CDH13: variants seen among roughly 807,000 people sequenced by gnomAD.
CDH13 encodes the protein cadherin 13.
CDH13 carries 24 observed loss-of-function variants against 63.8 expected under a neutral mutation model. The observed-to-expected ratio is 0.38, with a 90% CI of 0.27 to 0.53. The LOEUF (loss-of-function observed/expected upper bound fraction) is 0.53. Among genes scored for constraint, CDH13 ranks in the 20% least tolerant of loss-of-function variants. The pLI is 0.85. For missense variants in CDH13, 1,049 were observed against 903.1 expected (o/e 1.16, Z -2.07); for synonymous variants, 503 against 355.3 (o/e 1.42, Z -4.67).
intron 1 of CDH13, among the ~76,000 whole-genome samples, chr16:82,641,236 T>A (rs1017274696): frequency 6.6e-5 from 10 of 152,178 alleles, no homozygotes; most frequent in African/African-American, 2.4e-4. Context: ...CTGCCGTCAT[T>A]AACTTCTCTG....
At chr16:82,653,685 T>C (rs1045775100) in intron 1 of CDH13, among the ~76,000 whole-genome samples, 13 of 152,146 alleles carry the variant, frequency 8.5e-5, no homozygotes, top group African/African-American at 3.1e-4. Flanking sequence ...ACGATGTGCA[T>C]GTCATGTTGA....
intron 2 of CDH13, among the ~76,000 whole-genome samples, chr16:82,962,584 G>C (rs1393645824): frequency 6.6e-6 from 1 of 152,318 alleles, no homozygotes; most frequent in Admixed American, 6.5e-5. Context: ...AAGACAGACG[G>C]GAGTGGGAGT....
chr16:82,782,343 C>T lies in CDH13; in HGVS notation c.46-76019C>T, dbSNP rs547412327. Among the ~76,000 whole-genome samples, 11 of 152,196 alleles carry T rather than the reference C, an allele frequency of 7.2e-5. No homozygotes were observed. The East Asian group carries it at 1.5e-3, about 21-fold the overall frequency. On this transcript the variant is annotated intron_variant, in intron 1 of 13. Coordinates refer to ENST00000567109, the MANE Select transcript of CDH13 (RefSeq NM_001257.5). ...TTGGGAGGCTGAGGTGGGTGGATCA[C>T]GAGGTCAGGAGTTGGAGACCAGCCT...
intron 6 of CDH13, among the ~76,000 whole-genome samples, chr16:83,433,454 C>A (rs1450983903): frequency 6.6e-6 from 1 of 152,198 alleles, no homozygotes; most frequent in African/African-American, 2.4e-5. Flanking sequence ...AAATGCATGA[C>A]CAGCGGATAA....
intron 8 of CDH13, among the ~76,000 whole-genome samples, chr16:83,652,466 C>T (rs1205161384): frequency 6.6e-6 from 1 of 152,020 alleles, no homozygotes; most frequent in Non-Finnish European, 1.5e-5. Flanking sequence ...CTGCAGGGGT[C>T]TGTGTAGTTT....
intron 4 of CDH13, among the ~76,000 whole-genome samples, chr16:83,138,822 G>A (rs774829241): frequency 2.0e-5 from 3 of 152,088 alleles, no homozygotes; most frequent in South Asian, 2.1e-4. Context: ...GGAGGGTGAC[G>A]AAGGGCTCCC....
At chr16:83,771,625 C>G (rs1001492382) in intron 11 of CDH13, among the ~76,000 whole-genome samples, 2 of 152,196 alleles carry the variant, frequency 1.3e-5, no homozygotes, top group African/African-American at 2.4e-5. Flanking sequence ...TAACCCTTTC[C>G]CCCTCAAGAC....
intron 3 of CDH13, among the ~76,000 whole-genome samples, chr16:83,048,176 C>T (rs991508506): frequency 2.6e-5 from 4 of 152,192 alleles, no homozygotes; most frequent in African/African-American, 9.6e-5. Context: ...GTGATGGAGA[C>T]CAAGATATGA....
intron 2 of CDH13, among the ~76,000 whole-genome samples, chr16:82,903,579 T>A (rs951689619): frequency 3.9e-5 from 6 of 152,226 alleles, no homozygotes; most frequent in African/African-American, 1.4e-4. Flanking sequence ...ATCCTTTTTG[T>A]TTTATTCTGG....
chr16:83,619,744 G>C (rs1044446351), intron 8 of CDH13, among the ~76,000 whole-genome samples: 2 of 152,224 alleles, frequency 1.3e-5, no homozygotes, highest in Non-Finnish European at 2.9e-5. Flanking sequence ...GCCTACCATA[G>C]TAGCCTCGCT....
At chr16:83,368,884 TTATATATATA>T (rs150563585) in intron 6 of CDH13, among the ~76,000 whole-genome samples, 129 of 47,628 alleles carry the variant, frequency 2.7e-3, no homozygotes, top group Middle Eastern at 0.013. Context: ...GTATTCCATG[TTATATATATA>T]TATATATATA....
chr16:83,114,186 C>G (rs1044346170), intron 3 of CDH13, among the ~76,000 whole-genome samples: 1 of 152,140 alleles, frequency 6.6e-6, no homozygotes, highest in Admixed American at 6.5e-5. Context: ...GATGGTGATT[C>G]AGATGATTAG....
At chr16:83,133,054 T>G (rs1199659036) in intron 4 of CDH13, among the ~76,000 whole-genome samples, 1 of 152,226 alleles carries the variant, frequency 6.6e-6, no homozygotes, top group Non-Finnish European at 1.5e-5. Context: ...GTTCTGCCTC[T>G]ACACAGCCCA....
intron 6 of CDH13, among the ~76,000 whole-genome samples, chr16:83,347,925 C>A (rs2090872859): frequency 6.6e-6 from 1 of 152,170 alleles, no homozygotes; most frequent in Non-Finnish European, 1.5e-5. Context: ...GGTGGAGTGG[C>A]TCAAGCCTGT....
intron 1 of CDH13, among the ~76,000 whole-genome samples, chr16:82,818,800 T>C (rs140080835): frequency 1.6e-4 from 25 of 152,332 alleles, no homozygotes; most frequent in African/African-American, 6.0e-4. Flanking sequence ...TGGTGTTGCA[T>C]TTGCGTATTC....
chr16:83,358,238 A>T lies in CDH13; in HGVS notation c.781+13232A>T, dbSNP rs552710261. On this transcript the variant is annotated intron_variant, in intron 6 of 13. Coordinates refer to ENST00000567109, the MANE Select transcript of CDH13 (RefSeq NM_001257.5). Reference sequence around the variant, plus strand: ...AGCTAGAAGCAGGGGTCTATGTTAGACTTCTAGGATGGATTCTGAAAGGAG... The same window carrying T: ...AGCTAGAAGCAGGGGTCTATGTTAGTCTTCTAGGATGGATTCTGAAAGGAG... Among the ~76,000 whole-genome samples, 30 of 152,236 alleles carry T rather than the reference A, an allele frequency of 2.0e-4. 1 individual carries two copies. In the South Asian group the frequency reaches 6.0e-3, roughly 31 times the overall value.
intron 5 of CDH13, among the ~76,000 whole-genome samples, chr16:83,279,387 C>T (rs191634442): frequency 7.2e-5 from 11 of 152,248 alleles, no homozygotes; most frequent in Admixed American, 5.2e-4. Context: ...CCTGGATGCA[C>T]GCACAAAGTA....
chr16:83,508,060 G>GAAGGAAGGAAGGAAGGAAGGAAGA (rs2074447520), intron 7 of CDH13, among the ~76,000 whole-genome samples: 2 of 19,726 alleles, frequency 1.0e-4, no homozygotes, highest in African/African-American at 2.4e-4. Flanking sequence ...AGAGAAGAAG[G>GAAGGAAGGAAGGAAGGAAGGAAGA]AAGGAAGGAA....
At chr16:83,697,848 T>C (rs1489532218) in intron 10 of CDH13, among the ~76,000 whole-genome samples, 4 of 152,218 alleles carry the variant, frequency 2.6e-5, no homozygotes, top group South Asian at 2.1e-4. Context: ...AGTTTCACCA[T>C]GTTGGCCAGG....
Sources: allele counts gnomAD v4.1 joint callset (sites outside exome capture counted in the v4.1 genomes callset), GRCh38; gene constraint gnomAD v4.1.1; transcripts MANE v1.5; gene names NCBI Gene and HGNC (gene_info 2026-07-23, HGNC 2026-07-21).